The following ADGRF5 variants were observed in gnomAD, a reference collection of about 807,000 sequenced individuals.
ADGRF5 encodes adhesion G protein-coupled receptor F5, also known as G-protein coupled receptor 116.
In ADGRF5, 75 loss-of-function variants were observed where a neutral mutation model predicts 132.3. The ratio of observed to expected loss-of-function variants is 0.57; its 90% CI spans 0.47 to 0.69. The LOEUF (loss-of-function observed/expected upper bound fraction) is 0.69. Ranked by LOEUF, ADGRF5 falls within the 30% of genes least tolerant of loss-of-function variation. The probability of loss-of-function intolerance (pLI) is 0.00; values close to 1 mark genes in which losing one functional copy is unlikely to be tolerated. For missense variants in ADGRF5, 1,516 were observed against 1,630.6 expected, an observed-to-expected ratio of 0.93 and a Z score of 1.21; for synonymous variants, 629 against 597.6, an observed-to-expected ratio of 1.05 and a Z score of -0.77.
At chr6:46,893,134 A>C (rs559004732) in intron 3 of ADGRF5, among the ~76,000 whole-genome samples, 12 of 139,288 alleles carry the variant, frequency 8.6e-5, no homozygotes, top group Non-Finnish European at 1.5e-4. Context: ...TTGAGCAGAG[A>C]CTCAGATGAA....
At chr6:46,876,284 G>A (rs193036699) in intron 10 of ADGRF5, among the ~76,000 whole-genome samples, 1 of 152,302 alleles carries the variant, frequency 6.6e-6, no homozygotes, top group Non-Finnish European at 1.5e-5. Context: ...CATTCATCCC[G>A]CTCTAAGCAT....
In ADGRF5 at chr6:46,874,347, C is replaced by T. The variant is rs1771406558; in HGVS notation, c.1241-2334G>A. ...GAAATATTCTCATTCCCTCTTCCTC[C>T]TGCTGATTCTTACTGATCCTTAAAG... On this transcript the variant is annotated intron_variant, in intron 10 of 20. Transcript: ENST00000283296. Among the ~76,000 whole-genome samples, 5 of 152,160 alleles carry T rather than the reference C, an allele frequency of 3.3e-5. No individual in the cohort carries two copies. The South Asian group carries it at 1.0e-3, about 32-fold the overall frequency.
chr6:46,904,108 T>C (rs576152986), intron 2 of ADGRF5, among the ~76,000 whole-genome samples: 56 of 152,292 alleles, frequency 3.7e-4, no homozygotes, highest in African/African-American at 1.2e-3. Context: ...AAAACCAGCA[T>C]CCTGGGACCC....
intron 3 of ADGRF5, among the ~76,000 whole-genome samples, chr6:46,896,928 T>C (rs1774240740): frequency 6.6e-6 from 1 of 152,088 alleles, no homozygotes. Context: ...ATAAATAATC[T>C]AGAGATAATC....
intron 3 of ADGRF5, among the ~76,000 whole-genome samples, chr6:46,896,284 C>A (rs1774170541): frequency 6.6e-6 from 1 of 152,172 alleles, no homozygotes; most frequent in African/African-American, 2.4e-5. Context: ...ATTCTTATTT[C>A]TCTCTGCTCC....
chr6:46,948,930 AAC>A (rs1421994510), intron 1 of ADGRF5, among the ~76,000 whole-genome samples: 7 of 152,192 alleles, frequency 4.6e-5, no homozygotes, highest in African/African-American at 1.7e-4. Context: ...AATGGGCGGA[AAC>A]ACAGCCTTGT....
chr6:46,929,408 G>A (rs906815175), intron 1 of ADGRF5, among the ~76,000 whole-genome samples: 3 of 151,400 alleles, frequency 2.0e-5, no homozygotes, highest in Non-Finnish European at 4.4e-5. Context: ...CGAGTTAATG[G>A]GTGTAGCACA....
intron 4 of ADGRF5, among the ~76,000 whole-genome samples, chr6:46,884,497 G>T (rs187962558): frequency 5.8e-4 from 88 of 152,346 alleles, no homozygotes; most frequent in East Asian, 3.9e-4. Flanking sequence ...GTTGAGTGAT[G>T]AATGGCTAAG....
intron 1 of ADGRF5, among the ~76,000 whole-genome samples, chr6:46,927,010 T>A (rs1038599327): frequency 4.6e-5 from 7 of 152,146 alleles, no homozygotes; most frequent in African/African-American, 1.4e-4. Flanking sequence ...GAGGCTGATC[T>A]GCAAACATCA....
intron 10 of ADGRF5, among the ~76,000 whole-genome samples, chr6:46,877,306 T>TTCCTTCCTTCCTTCCTTCCTTCC (rs1562175084): frequency 9.1e-5 from 7 of 77,192 alleles, no homozygotes; most frequent in African/African-American, 4.0e-4. Flanking sequence ...TCTCTCTCTC[T>TTCCTTCCTTCCTTCCTTCCTTCC]TTCCTTCCTT....
chr6:46,888,159 G>A (rs139177148), intron 4 of ADGRF5, 176 bp downstream of exon 4: 2 of 560,460 alleles, frequency 3.6e-6, no homozygotes, highest in South Asian at 2.5e-5. Context: ...TGGCTGCAGA[G>A]TTTACTGATA....
chr6:46,899,095 A>G (rs1253116244), intron 3 of ADGRF5, among the ~76,000 whole-genome samples: 1 of 152,084 alleles, frequency 6.6e-6, no homozygotes, highest in Non-Finnish European at 1.5e-5. Flanking sequence ...GGGAATGGGA[A>G]CCCAGGAAAA....
At chr6:46,888,030 G>T in intron 4 of ADGRF5, 1 of 253,588 alleles carries the variant, frequency 3.9e-6, no homozygotes. Flanking sequence ...ATCTGCCCAA[G>T]GGAAGAGGAC....
chr6:46,922,990 G>A (rs1180635649), upstream of ADGRF5, among the ~76,000 whole-genome samples: 1 of 152,178 alleles, frequency 6.6e-6, no homozygotes, highest in Non-Finnish European at 1.5e-5. Flanking sequence ...CCAGTGGCGC[G>A]ATCTTGGCTC....
Position 46,858,968 on chromosome 6 carries a change from C to T in ADGRF5, c.2935G>A (p.Asp979Asn), listed in dbSNP as rs748413187. The T allele has an allele frequency of 6.2e-7, 1 of 1,613,980 alleles. No homozygotes were observed. Among genetic ancestry groups the T allele is most frequent in the South Asian group, 1.1e-5 (1 of 91,068 alleles). The stretch of plus-strand genomic sequence containing the variant: ...CAGATACAGGTGACATTGTCCCCAT[C>T]ACCTTCTTCTACATAGCACCCACTG... ...DSSGCYVEEGDGDNVTCICDH... is the reference protein window; with the variant it reads ...DSSGCYVEEGNGDNVTCICDH... The change falls in exon 17 of 21, where the codon GAT becomes AAT. Residue 979 changes from aspartate to asparagine, a missense_variant. Physicochemically the swap from Asp to Asn is conservative, Grantham distance 23 (BLOSUM62 1). Around this residue, in one of 2 missense-constraint regions of ADGRF5, gnomAD observed 571 missense variants for 701.2 expected, o/e 0.81. Transcript: ENST00000283296.
At chr6:46,922,695 ACT>A (rs1046494667), upstream of ADGRF5, among the ~76,000 whole-genome samples, 1 of 151,598 alleles carries the variant, frequency 6.6e-6, no homozygotes, top group Non-Finnish European at 1.5e-5. Context: ...ATGCTGTTTG[ACT>A]CTCTACTCTG....
At chr6:46,876,287 C>T (rs1022086120) in intron 10 of ADGRF5, among the ~76,000 whole-genome samples, 1 of 152,354 alleles carries the variant, frequency 6.6e-6, no homozygotes, top group African/African-American at 2.4e-5. Flanking sequence ...TCATCCCGCT[C>T]TAAGCATCTG....
At chr6:46,908,783 A>G (rs1455957158) in intron 1 of ADGRF5, 1 of 152,180 alleles carries the variant, frequency 6.6e-6, no homozygotes, top group Non-Finnish European at 1.5e-5. Context: ...GAAGGATGCT[A>G]CCACGGGGAG....
chr6:46,901,361 T>A (rs1054713886), intron 2 of ADGRF5, among the ~76,000 whole-genome samples: 1 of 151,994 alleles, frequency 6.6e-6, no homozygotes, highest in Non-Finnish European at 1.5e-5. Flanking sequence ...CTCTCTGAAG[T>A]CTCCCAGATA....
Sources: allele counts gnomAD v4.1 joint callset (sites outside exome capture counted in the v4.1 genomes callset), GRCh38; gene constraint gnomAD v4.1.1; regional missense constraint gnomAD v4.1.1; transcripts MANE v1.5; gene names NCBI Gene and HGNC (gene_info 2026-07-23, HGNC 2026-07-21).